Variants in SYNPR observed in about 807,000 individuals in gnomAD.
The protein encoded by SYNPR is synaptoporin.
Under a neutral mutation model 32.9 loss-of-function variants are expected in SYNPR, and 23 were observed. The observed-to-expected ratio is 0.70, with a 90% CI of 0.50 to 0.99. SYNPR has a LOEUF of 0.99. Among genes scored for constraint, SYNPR ranks in the 50% least tolerant of loss-of-function variants. The pLI, the probability that SYNPR is intolerant of heterozygous loss-of-function variation, is 0.00. For synonymous variants in SYNPR, 146 were observed against 135.9 expected (o/e 1.07, Z -0.52); for missense variants, 318 against 349.3 (o/e 0.91, Z 0.71).
chr3:63,574,749 A>G (rs1358650392), intron 4 of SYNPR, among the ~76,000 whole-genome samples: 1 of 152,134 alleles, frequency 6.6e-6, no homozygotes, highest in Non-Finnish European at 1.5e-5. Context: ...ACAGAACTCA[A>G]TACATAGTGT....
intron 2 of SYNPR, among the ~76,000 whole-genome samples, chr3:63,363,143 C>T (rs528379927): frequency 5.9e-5 from 9 of 152,238 alleles, no homozygotes; most frequent in African/African-American, 2.2e-4. Context: ...CCCATAATTA[C>T]CACTTACCTT....
At chr3:63,395,974 G>C (rs1336878199) in intron 2 of SYNPR, among the ~76,000 whole-genome samples, 1 of 152,106 alleles carries the variant, frequency 6.6e-6, no homozygotes, top group Non-Finnish European at 1.5e-5. Context: ...AACATGGAAA[G>C]GATTCAAAGC....
intron 3 of SYNPR, among the ~76,000 whole-genome samples, chr3:63,530,880 C>T (rs1702100784): frequency 6.6e-6 from 1 of 152,152 alleles, no homozygotes; most frequent in Non-Finnish European, 1.5e-5. Flanking sequence ...AACAAATTGC[C>T]TTGAAAGAGA....
chr3:63,346,310 T>C (rs1215833431), intron 2 of SYNPR, among the ~76,000 whole-genome samples: 1 of 152,164 alleles, frequency 6.6e-6, no homozygotes, highest in Admixed American at 6.5e-5. Context: ...ACAATTTTTT[T>C]CATTTTTTTG....
rs548966224 is a variant in SYNPR, at chr3:63,488,469, G to A, written c.209+7513G>A. 1.7e-3 allele frequency among the ~76,000 whole-genome samples: 259 copies of A among 152,306 alleles called. 1 individual carries two copies. Among genetic ancestry groups the A allele is most frequent in the African/African-American group, 5.8e-3 (243 of 41,566 alleles). ...AGCCAAATCCAAACTCTGCTGCCTA[G>A]TGGATGGGCAAGACATAACCCCCTA... On this transcript the variant is annotated intron_variant, in intron 3 of 5. Coordinates refer to ENST00000478300, the MANE Select transcript of SYNPR (RefSeq NM_001130003.2).
chr3:63,276,896 T>A (rs2086579789), upstream of SYNPR, among the ~76,000 whole-genome samples: 1 of 90,534 alleles, frequency 1.1e-5, no homozygotes, highest in South Asian at 4.6e-4. Context: ...ACATATCAAA[T>A]ACCCACCCCC....
intron 2 of SYNPR, among the ~76,000 whole-genome samples, chr3:63,259,622 G>C (rs1382690470): frequency 6.6e-6 from 1 of 152,156 alleles, no homozygotes; most frequent in Non-Finnish European, 1.5e-5. Context: ...ATGTCATACT[G>C]AATGGGCAAA....
intron 3 of SYNPR, among the ~76,000 whole-genome samples, chr3:63,547,863 C>T (rs1702436558): frequency 6.6e-6 from 1 of 152,164 alleles, no homozygotes; most frequent in Non-Finnish European, 1.5e-5. Flanking sequence ...ATAGTAATCA[C>T]TTGATCAAAT....
chr3:63,574,580 A>G (rs555479370), intron 4 of SYNPR, among the ~76,000 whole-genome samples: 13 of 152,272 alleles, frequency 8.5e-5, no homozygotes, highest in Middle Eastern at 3.4e-3. Flanking sequence ...TATCTGGTCC[A>G]AAATGTCAAT....
intron 2 of SYNPR, among the ~76,000 whole-genome samples, chr3:63,352,510 G>T (rs2087523498): frequency 6.6e-6 from 1 of 152,084 alleles, no homozygotes; most frequent in East Asian, 1.9e-4. Flanking sequence ...TTCAGTTCCA[G>T]CTAACTGATG....
chr3:63,438,803 G>A (rs1700125436), intron 2 of SYNPR, among the ~76,000 whole-genome samples: 1 of 152,210 alleles, frequency 6.6e-6, no homozygotes, highest in South Asian at 2.1e-4. Context: ...TGCTCTCACT[G>A]CTATAGCTTG....
rs113801337 is a variant in SYNPR, at chr3:63,398,005, A to C, written c.85-82827A>C. Among the ~76,000 whole-genome samples the C allele has an allele frequency of 1.6e-3, 247 of 152,322 alleles. 4 individuals carry two copies. The highest frequency in any genetic ancestry group is 0.01 in the Middle Eastern group (3 of 294). On this transcript the variant is annotated intron_variant, in intron 2 of 5. Transcript: ENST00000478300. ...AATCTCCTGTTACTCTTGGGAATGG[A>C]CAGAGGATGGAAAAGCTGGTCACTG... is the stretch of plus-strand genomic sequence containing the variant.
intron 3 of SYNPR, among the ~76,000 whole-genome samples, chr3:63,492,201 T>A (rs923474731): frequency 1.3e-5 from 2 of 152,154 alleles, no homozygotes; most frequent in African/African-American, 4.8e-5. Context: ...TGGAAGCCAG[T>A]TGGACAGGAT....
chr3:63,305,994 G>T (rs13080514), intron 2 of SYNPR, among the ~76,000 whole-genome samples: 68,839 of 151,714 alleles, frequency 0.45, 15,814 homozygotes, highest in Middle Eastern at 0.52. Flanking sequence ...CATTTTCACC[G>T]ACCAGTGTCT....
intron 2 of SYNPR, among the ~76,000 whole-genome samples, chr3:63,418,618 CG>C: frequency 6.6e-6 from 1 of 152,226 alleles, no homozygotes; most frequent in South Asian, 2.1e-4. Flanking sequence ...CTGGGGAGGC[CG>C]CACAACTATG....
At chr3:63,563,415 C>T (rs1454454177) in intron 4 of SYNPR, among the ~76,000 whole-genome samples, 1 of 152,124 alleles carries the variant, frequency 6.6e-6, no homozygotes, top group Non-Finnish European at 1.5e-5. Flanking sequence ...TAATCAAATG[C>T]TCTTTCCCAC....
At position 63,402,593 on chromosome 3, in the gene SYNPR, C is replaced by A. The variant is rs1275756754; in HGVS notation, c.85-78239C>A. Among the ~76,000 whole-genome samples, 3 of 152,062 alleles carry A rather than the reference C, an allele frequency of 2.0e-5. 1 individual carries two copies. The highest frequency in any genetic ancestry group is 4.4e-5 in the Non-Finnish European group (3 of 67,974). ...AGCCTATTTGTGACAGTGGGCATAGCTAGGATGACTCCAAGATGAAGGAAG... is the reference window on the plus strand; with the variant it reads ...AGCCTATTTGTGACAGTGGGCATAGATAGGATGACTCCAAGATGAAGGAAG... On this transcript the variant is annotated intron_variant, in intron 2 of 5. Transcript: ENST00000478300.
intron 2 of SYNPR, among the ~76,000 whole-genome samples, chr3:63,474,417 CTAAA>C (rs892982729): frequency 6.6e-6 from 1 of 152,156 alleles, no homozygotes; most frequent in Non-Finnish European, 1.5e-5. Context: ...TAATAACTAA[CTAAA>C]TAAGTGAGTA....
At chr3:63,474,493 A>T (rs1171722979) in intron 2 of SYNPR, among the ~76,000 whole-genome samples, 3 of 152,188 alleles carry the variant, frequency 2.0e-5, no homozygotes, top group Non-Finnish European at 2.9e-5. Flanking sequence ...GAGTGAATCA[A>T]CAAAACAAGC....
Sources: gnomAD v4.1 joint callset for allele counts (sites outside exome capture counted in the v4.1 genomes callset) on GRCh38, gnomAD v4.1.1 for gene constraint, MANE v1.5 for transcripts, NCBI Gene and HGNC (gene_info 2026-07-23, HGNC 2026-07-21) for gene names.